CNTNAP5: variants seen among roughly 807,000 people sequenced by gnomAD.
CNTNAP5 encodes contactin-associated protein-like 5.
In CNTNAP5, 72 loss-of-function variants were observed where a neutral mutation model predicts 150.2. The ratio of observed to expected loss-of-function variants is 0.48; its 90% confidence interval spans 0.40 to 0.58. The LOEUF (loss-of-function observed/expected upper bound fraction) is 0.58, where lower values mean the gene tolerates loss of function less well. CNTNAP5 is among the 20% of genes least tolerant of loss of function. The pLI, the probability that CNTNAP5 is intolerant of heterozygous loss-of-function variation, is 0.00. For missense variants in CNTNAP5, 1,636 were observed against 1,626.2 expected, an observed-to-expected ratio of 1.01 and a Z score of -0.10; for synonymous variants, 672 against 619.8, an observed-to-expected ratio of 1.08 and a Z score of -1.25.
rs1679091376 is a variant in CNTNAP5, at chr2:124,682,524, G to T, written c.2077+34566G>T. ...CTTTCAATTGTCTGCAAGACTGCAG[G>T]CTTCTGGCCACTGGACCACTGGACC... is the stretch of plus-strand genomic sequence containing the variant. On this transcript the variant is annotated intron_variant, in intron 13 of 23. Transcript: ENST00000682447. Among the ~76,000 whole-genome samples, 4 of 152,242 alleles carry T rather than the reference G, an allele frequency of 2.6e-5. No individual in the cohort carries two copies. In the South Asian group the frequency reaches 8.3e-4, roughly 32 times the overall value.
chr2:124,851,395 C>CA (rs1683152452), intron 19 of CNTNAP5, among the ~76,000 whole-genome samples: 2 of 152,020 alleles, frequency 1.3e-5, no homozygotes, highest in South Asian at 2.1e-4. Context: ...CTTTTAGATA[C>CA]AAAAAATGCT....
rs1384848342 is a variant in CNTNAP5, at chr2:124,707,201, GAAGAAT to G, written c.2078-40025_2078-40020del. Among the ~76,000 whole-genome samples, 132 of 140,614 alleles carry G rather than the reference GAAGAAT, an allele frequency of 9.4e-4. 7 individuals are homozygous for G. Among genetic ancestry groups the G allele is most frequent in the African/African-American group, 3.3e-3 (127 of 38,328 alleles). 92.2% of individuals were successfully genotyped at this position (140,614 alleles called of 152,430 possible). A position where few individuals can be genotyped will look rare whatever the true frequency, so the allele number is the denominator to read the frequency against. On this transcript the variant is annotated intron_variant, in intron 13 of 23. Coordinates refer to ENST00000682447, the MANE Select transcript of CNTNAP5 (RefSeq NM_001367498.1). ...AGAAGAAGAAGAAGAAGAAGAAGAA[GAAGAAT>G]AAACAACTTGGGATCATTCACTGAC...
chr2:124,918,891 T>A lies in CNTNAP5; in HGVS notation c.*4603T>A, dbSNP rs1179782249. ...ACTTTCAGAAGTCTAGGAGGATAAC[T>A]GAGTGCTATTTTCTGTCTCATGCAG... is the stretch of plus-strand genomic sequence containing the variant. On this transcript the variant is annotated 3_prime_UTR_variant, in exon 24 of 24. Coordinates refer to ENST00000682447, the MANE Select transcript of CNTNAP5 (RefSeq NM_001367498.1). Among the ~76,000 whole-genome samples the A allele has an allele frequency of 1.3e-5, 2 of 152,174 alleles. No individual in the cohort carries two copies. Among genetic ancestry groups the A allele is most frequent in the African/African-American group, 4.8e-5 (2 of 41,468 alleles).
At chr2:124,547,922 T>C (rs1695549625) in intron 10 of CNTNAP5, among the ~76,000 whole-genome samples, 1 of 152,198 alleles carries the variant, frequency 6.6e-6, no homozygotes, top group Non-Finnish European at 1.5e-5. Flanking sequence ...ATGCTGTGTC[T>C]CTTCCTGCTG....
chr2:124,038,953 C>T (rs991791878), intron 1 of CNTNAP5, among the ~76,000 whole-genome samples: 6 of 152,122 alleles, frequency 3.9e-5, no homozygotes, highest in African/African-American at 7.2e-5. Context: ...TGTATTGGTC[C>T]GGGAGCTGAT....
At chr2:124,288,091 G>A (rs188636303) in intron 3 of CNTNAP5, among the ~76,000 whole-genome samples, 3 of 152,154 alleles carry the variant, frequency 2.0e-5, no homozygotes, top group African/African-American at 4.8e-5. Flanking sequence ...CACCATGCCT[G>A]GCTAATTTAT....
chr2:124,824,242 C>G lies in CNTNAP5; in HGVS notation c.3217+25922C>G, dbSNP rs1025233480. On this transcript the variant is annotated intron_variant, in intron 19 of 23. Coordinates refer to ENST00000682447, the MANE Select transcript of CNTNAP5 (RefSeq NM_001367498.1). ...CCTTATGTTCTTTTAGATGAGTGACCATGCTCTTTCCCAAAGCCATCTGGG... is the reference window on the plus strand; with the variant it reads ...CCTTATGTTCTTTTAGATGAGTGACGATGCTCTTTCCCAAAGCCATCTGGG... Among the ~76,000 whole-genome samples, 24 of 151,898 alleles carry G rather than the reference C, an allele frequency of 1.6e-4. 1 individual carries two copies. Among genetic ancestry groups the G allele is most frequent in the Admixed American group, 8.5e-4 (13 of 15,214 alleles).
chr2:124,091,988 G>T (rs1036468752), intron 1 of CNTNAP5, among the ~76,000 whole-genome samples: 3 of 152,122 alleles, frequency 2.0e-5, no homozygotes, highest in African/African-American at 7.2e-5. Flanking sequence ...TCTTTGTGTC[G>T]ATCTGGGCTG....
intron 1 of CNTNAP5, among the ~76,000 whole-genome samples, chr2:124,043,947 A>G (rs1244467291): frequency 6.6e-6 from 1 of 152,190 alleles, no homozygotes; most frequent in African/African-American, 2.4e-5. Flanking sequence ...TTATCTGCCC[A>G]GATCTTCCCC....
chr2:124,295,235 G>A (rs1688393414), intron 3 of CNTNAP5, among the ~76,000 whole-genome samples: 1 of 117,462 alleles, frequency 8.5e-6, no homozygotes, highest in Admixed American at 8.7e-5. Flanking sequence ...TTGCATAACT[G>A]TGAAGATCAA....
At chr2:124,794,467 T>C (rs913016912) in intron 18 of CNTNAP5, among the ~76,000 whole-genome samples, 5 of 152,238 alleles carry the variant, frequency 3.3e-5, no homozygotes, top group Admixed American at 2.6e-4. Context: ...TTTCATTATC[T>C]AAAATTTTGG....
chr2:124,132,277 G>A (rs920461280), intron 1 of CNTNAP5, among the ~76,000 whole-genome samples: 1 of 152,160 alleles, frequency 6.6e-6, no homozygotes, highest in Non-Finnish European at 1.5e-5. Context: ...GCTCACTGGT[G>A]AATGGTCATT....
At chr2:124,507,940 G>T (rs767054477) in intron 8 of CNTNAP5, among the ~76,000 whole-genome samples, 2 of 152,144 alleles carry the variant, frequency 1.3e-5, no homozygotes, top group African/African-American at 2.4e-5. Context: ...ATTGAAAATG[G>T]CATCTCGTCA....
rs553221553 is a variant in CNTNAP5, at chr2:124,390,615, G to C, written c.382-26828G>C. 1.3e-3 allele frequency among the ~76,000 whole-genome samples: 193 copies of C among 152,282 alleles called. 1 individual carries two copies. Among genetic ancestry groups the C allele is most frequent in the Middle Eastern group, 3.4e-3 (1 of 294 alleles). On this transcript the variant is annotated intron_variant, in intron 3 of 23. Coordinates refer to ENST00000682447, the MANE Select transcript of CNTNAP5 (RefSeq NM_001367498.1). Reference sequence around the variant, plus strand: ...CACCTGGGAAATACTTCTTTTTCTAGTAGCTGAGGCAAAAATGGCAACATG... The same window carrying C: ...CACCTGGGAAATACTTCTTTTTCTACTAGCTGAGGCAAAAATGGCAACATG...
chr2:124,660,116 T>C, intron 13 of CNTNAP5, among the ~76,000 whole-genome samples: 1 of 152,072 alleles, frequency 6.6e-6, no homozygotes, highest in East Asian at 1.9e-4. Flanking sequence ...GAGATCTTTC[T>C]ATGTTTCAGA....
At chr2:124,096,116 C>G (rs1682928184) in intron 1 of CNTNAP5, among the ~76,000 whole-genome samples, 1 of 152,130 alleles carries the variant, frequency 6.6e-6, no homozygotes, top group Non-Finnish European at 1.5e-5. Flanking sequence ...GCTCGACATA[C>G]ACAAACATGA....
chr2:124,504,504 C>A lies in CNTNAP5; in HGVS notation c.1275C>A (p.Ile425=). The A allele has an allele frequency of 6.2e-7, 1 of 1,613,746 alleles. No homozygotes were observed. Among genetic ancestry groups the A allele is most frequent in the Non-Finnish European group, 8.5e-7 (1 of 1,179,818 alleles). The change falls in exon 8 of 24, where the codon ATC becomes ATA. Residue 425 remains isoleucine (I), a synonymous_variant. Coordinates refer to ENST00000682447, the MANE Select transcript of CNTNAP5 (RefSeq NM_001367498.1). The part of the protein sequence containing the change: ...GTLLLSLEGG[I]LRLVIQKMTE... Reference sequence around the variant, plus strand: ...TGCTGCTGAGCCTGGAGGGTGGAATCCTGAGACTCGTGATTCAGAAAATGA... The same window carrying A: ...TGCTGCTGAGCCTGGAGGGTGGAATACTGAGACTCGTGATTCAGAAAATGA...
At position 124,920,246 on chromosome 2, in the gene CNTNAP5, T is replaced by C. The variant is rs566443474; in HGVS notation, c.*5958T>C. ...TTACATGCTTCAGATGCCAGAAATA[T>C]CTTCAGAGAACGTGAACAAAGTGCT... On this transcript the variant is annotated 3_prime_UTR_variant, in exon 24 of 24. Coordinates refer to ENST00000682447, the MANE Select transcript of CNTNAP5 (RefSeq NM_001367498.1). Among the ~76,000 whole-genome samples the C allele has an allele frequency of 6.6e-6, 1 of 152,252 alleles. No homozygotes were observed. The highest frequency in any genetic ancestry group is 2.4e-5 in the African/African-American group (1 of 41,562).
rs1677608880 is a variant in CNTNAP5, at chr2:124,865,348, A to G, written c.3260A>G (p.His1087Arg). Residue 1087 changes from histidine to arginine, a missense_variant, in exon 20 of 24, where the codon CAT (histidine) becomes CGT (arginine). Transcript: ENST00000682447. Reference protein sequence around the residue: ...VRYHLNKEETHVFTIDADNFA... With the variant: ...VRYHLNKEETRVFTIDADNFA... ...TATCACCTAAACAAGGAAGAAACCC[A>G]TGTATTCACCATTGATGCAGATAAC... 3 of 1,564,920 alleles carry G rather than the reference A, an allele frequency of 1.9e-6. No individual in the cohort carries two copies. Among genetic ancestry groups the G allele is most frequent in the Non-Finnish European group, 1.7e-6 (2 of 1,153,010 alleles).
Sources: allele counts gnomAD v4.1 joint callset (sites outside exome capture counted in the v4.1 genomes callset), GRCh38; gene constraint gnomAD v4.1.1; transcripts MANE v1.5; gene names NCBI Gene and HGNC (gene_info 2026-07-23, HGNC 2026-07-21).